Variants in CFAP300 observed in about 807,000 individuals in gnomAD.
CFAP300 encodes the protein cilia- and flagella-associated protein 300.
A neutral mutation model predicts 33.0 loss-of-function variants in CFAP300; 32 were observed. The ratio of observed to expected loss-of-function variants is 0.97; its 90% CI spans 0.73 to 1.30. CFAP300 has a LOEUF of 1.30. CFAP300 is among the 50% of genes most tolerant of loss of function. The pLI is 0.00. For synonymous variants in CFAP300, 102 were observed against 106.8 expected, an observed-to-expected ratio of 0.95 and a Z score of 0.28; for missense variants, 356 against 318.1, an observed-to-expected ratio of 1.12 and a Z score of -0.90.
rs182498198 is a variant in CFAP300, at chr11:102,082,350, G to C, written c.676-721G>C. On this transcript the variant is annotated intron_variant, in intron 6 of 6. Coordinates refer to ENST00000434758, the MANE Select transcript of CFAP300 (RefSeq NM_032930.3). ...GTGGTGGTACCAATACTGTACTCCA[G>C]ACTGGGCAAAAGAGTAAGACTCCAA... Among the ~76,000 whole-genome samples the C allele has an allele frequency of 1.6e-3, 240 of 151,126 alleles. 2 individuals are homozygous for C. The highest frequency in any genetic ancestry group is 2.7e-3 in the Admixed American group (41 of 15,160).
intron 2 of CFAP300, among the ~76,000 whole-genome samples, chr11:102,055,137 C>T (rs1340235558): frequency 1.3e-5 from 2 of 151,448 alleles, no homozygotes; most frequent in Non-Finnish European, 2.9e-5. Flanking sequence ...CGTGCCACCA[C>T]GCCCAGCTAA....
At chr11:102,055,118 T>A (rs1591314884) in intron 2 of CFAP300, among the ~76,000 whole-genome samples, 1 of 150,564 alleles carries the variant, frequency 6.6e-6, no homozygotes, top group East Asian at 2.0e-4. Flanking sequence ...GTAGCTGGGA[T>A]TACAGGCACG....
intron 3 of CFAP300, among the ~76,000 whole-genome samples, chr11:102,059,620 C>A (rs1408677048): frequency 6.6e-6 from 1 of 151,810 alleles, no homozygotes; most frequent in Non-Finnish European, 1.5e-5. Flanking sequence ...CTGCCCTCCA[C>A]CCTGGGTGAG....
intron 3 of CFAP300, among the ~76,000 whole-genome samples, chr11:102,060,722 AT>A (rs1174366863): frequency 6.6e-6 from 1 of 151,966 alleles, no homozygotes; most frequent in Non-Finnish European, 1.5e-5. Context: ...TTTAAATTAG[AT>A]TTTTTTTGTT....
At chr11:102,066,223 C>T (rs1302846521) in intron 3 of CFAP300, among the ~76,000 whole-genome samples, 1 of 152,122 alleles carries the variant, frequency 6.6e-6, no homozygotes. Context: ...GATCCACCCT[C>T]CTTTGCTTCC....
intron 2 of CFAP300, among the ~76,000 whole-genome samples, chr11:102,053,933 A>G (rs111682512): frequency 0.031 from 4,701 of 152,234 alleles, 75 homozygotes; most frequent in African/African-American, 0.043. Flanking sequence ...TTCTCACCTT[A>G]CAGCCTTCAT....
At chr11:102,057,464 C>T (rs1334761744) in intron 2 of CFAP300, among the ~76,000 whole-genome samples, 1 of 150,480 alleles carries the variant, frequency 6.6e-6, no homozygotes, top group African/African-American at 2.5e-5. Context: ...TTTTTAATCA[C>T]TAGGATGTCA....
At chr11:102,055,228 C>T (rs570006311) in intron 2 of CFAP300, among the ~76,000 whole-genome samples, 40 of 152,244 alleles carry the variant, frequency 2.6e-4, no homozygotes, top group African/African-American at 8.9e-4. Context: ...ATCTGCCTGC[C>T]TTGGCCTCCC....
intron 3 of CFAP300, among the ~76,000 whole-genome samples, chr11:102,060,265 G>A (rs1942130131): frequency 6.6e-6 from 1 of 150,634 alleles, no homozygotes; most frequent in African/African-American, 2.4e-5. Flanking sequence ...GAACCACCAC[G>A]CTCAGCCTAA....
intron 4 of CFAP300, among the ~76,000 whole-genome samples, chr11:102,067,958 T>G (rs1364602406): frequency 6.6e-6 from 1 of 152,178 alleles, no homozygotes; most frequent in South Asian, 2.1e-4. Flanking sequence ...GTTACAATTA[T>G]TGAGAGTATT....
chr11:102,066,699 A>G, intron 4 of CFAP300, 48 bp downstream of exon 4: 1 of 1,544,080 alleles, frequency 6.5e-7, no homozygotes, highest in Non-Finnish European at 8.7e-7. Context: ...ATTTCAGGAA[A>G]TGCAAAAATG....
chr11:102,051,684 CT>C (rs1941973534), intron 2 of CFAP300, among the ~76,000 whole-genome samples: 2 of 151,936 alleles, frequency 1.3e-5, no homozygotes, highest in South Asian at 2.1e-4. Context: ...AGAAACTTAT[CT>C]TTTTTCCCCT....
intron 4 of CFAP300, among the ~76,000 whole-genome samples, chr11:102,074,875 G>A (rs1206824225): frequency 6.6e-6 from 1 of 151,890 alleles, no homozygotes; most frequent in African/African-American, 2.4e-5. Context: ...GCTTATTTTG[G>A]GGGGTGGTTT....
At chr11:102,077,162 C>T (rs1346942551) in intron 5 of CFAP300, among the ~76,000 whole-genome samples, 4 of 152,242 alleles carry the variant, frequency 2.6e-5, no homozygotes, top group East Asian at 1.9e-4. Context: ...GTACCCCATC[C>T]GCCACATGAA....
chr11:102,054,221 AT>A (rs1052019531), intron 2 of CFAP300, among the ~76,000 whole-genome samples: 4 of 152,122 alleles, frequency 2.6e-5, no homozygotes, highest in African/African-American at 9.7e-5. Flanking sequence ...CTATATGAAC[AT>A]TTTTTCCCAA....
chr11:102,070,964 A>G (rs539759218), intron 4 of CFAP300, among the ~76,000 whole-genome samples: 4 of 152,222 alleles, frequency 2.6e-5, no homozygotes, highest in South Asian at 2.1e-4. Flanking sequence ...GTGACTCAGC[A>G]TATGGTCTAT....
intron 2 of CFAP300, among the ~76,000 whole-genome samples, chr11:102,052,203 A>G (rs150438136): frequency 2.8e-4 from 43 of 152,296 alleles, no homozygotes; most frequent in African/African-American, 1.0e-3. Flanking sequence ...CTGCTGCTCC[A>G]TTTATAATGA....
At chr11:102,049,218 C>T (rs911482858) in intron 2 of CFAP300, among the ~76,000 whole-genome samples, 2 of 152,184 alleles carry the variant, frequency 1.3e-5, no homozygotes, top group Non-Finnish European at 2.9e-5. Context: ...AGAATCCATC[C>T]TTGCCTCTTC....
rs561779599 is a variant in CFAP300 at position 102,055,361 on chromosome 11, C to CTTTTTTTTTTTTTTTT, written c.193-3506_193-3505insTTTTTTTTTTTTTTTT. The stretch of plus-strand genomic sequence containing the variant: ...ATTTTGTTTTACCACATGCGTTACT[C>CTTTTTTTTTTTTTTTT]TTTTTTTTTTTTTGAGATAGGGTCT... On this transcript the variant is annotated intron_variant, in intron 2 of 6. Coordinates refer to ENST00000434758, the MANE Select transcript of CFAP300 (RefSeq NM_032930.3). Among the ~76,000 whole-genome samples the CTTTTTTTTTTTTTTTT allele has an allele frequency of 4.4e-5, 5 of 113,544 alleles. 1 individual carries two copies. The highest frequency in any genetic ancestry group is 1.0e-4 in the Admixed American group (1 of 9,650). 74.5% of individuals were successfully genotyped at this position (113,544 alleles called of 152,430 possible).
Sources: gnomAD v4.1 joint callset for allele counts (sites outside exome capture counted in the v4.1 genomes callset) on GRCh38, gnomAD v4.1.1 for gene constraint, MANE v1.5 for transcripts, NCBI Gene and HGNC (gene_info 2026-07-23, HGNC 2026-07-21) for gene names.